Variants in KCNIP4 observed in about 807,000 individuals in gnomAD.
The protein encoded by KCNIP4 is potassium voltage-gated channel interacting protein 4.
KCNIP4 carries 12 observed loss-of-function variants against 34.0 expected under a neutral mutation model. The ratio of observed to expected loss-of-function variants is 0.35; its 90% CI spans 0.23 to 0.57. The LOEUF (loss-of-function observed/expected upper bound fraction) is 0.57, where lower values mean the gene tolerates loss of function less well. Among genes scored for constraint, KCNIP4 ranks in the 20% least tolerant of loss-of-function variants. The pLI, the probability that KCNIP4 is intolerant of heterozygous loss-of-function variation, is 0.83. For synonymous variants in KCNIP4, 124 were observed against 102.2 expected, an observed-to-expected ratio of 1.21 and a Z score of -1.29; for missense variants, 238 against 311.7, an observed-to-expected ratio of 0.76 and a Z score of 1.78.
chr4:21,750,338 C>A (rs958713592), intron 1 of KCNIP4, among the ~76,000 whole-genome samples: 5 of 152,088 alleles, frequency 3.3e-5, no homozygotes, highest in Admixed American at 2.6e-4. Flanking sequence ...GGTAAAAGTT[C>A]TAAACTTAAT....
chr4:21,218,623 A>T (rs1043625668), intron 1 of KCNIP4, among the ~76,000 whole-genome samples: 1 of 152,184 alleles, frequency 6.6e-6, no homozygotes. Context: ...CCATGAGGAA[A>T]TCTATGCACT....
At chr4:20,852,457 G>A (rs549857282) in intron 2 of KCNIP4, among the ~76,000 whole-genome samples, 2 of 152,012 alleles carry the variant, frequency 1.3e-5, no homozygotes, top group Non-Finnish European at 2.9e-5. Context: ...AGCAAAATTG[G>A]CATACAAGGC....
intron 1 of KCNIP4, among the ~76,000 whole-genome samples, chr4:21,552,425 A>G (rs1738657347): frequency 6.6e-6 from 1 of 152,170 alleles, no homozygotes; most frequent in Non-Finnish European, 1.5e-5. Context: ...GGATTGAGAC[A>G]GTTTACCAGT....
At chr4:21,725,526 A>G (rs1375080545) in intron 1 of KCNIP4, among the ~76,000 whole-genome samples, 3 of 152,186 alleles carry the variant, frequency 2.0e-5, no homozygotes, top group African/African-American at 7.2e-5. Context: ...CTCTGGCAGA[A>G]TGATAGACAT....
At chr4:20,808,688 A>C (rs1715374098) in intron 3 of KCNIP4, among the ~76,000 whole-genome samples, 1 of 152,134 alleles carries the variant, frequency 6.6e-6, no homozygotes, top group Non-Finnish European at 1.5e-5. Context: ...CCTTTGTTAA[A>C]GGAGTAGCAG....
chr4:20,790,779 C>CA, intron 3 of KCNIP4, among the ~76,000 whole-genome samples: 1 of 152,006 alleles, frequency 6.6e-6, no homozygotes, highest in Admixed American at 6.6e-5. Flanking sequence ...TGGTCACCTG[C>CA]AGTAAGTTGG....
chr4:21,475,851 T>A (rs1199329804), intron 1 of KCNIP4, among the ~76,000 whole-genome samples: 1 of 152,230 alleles, frequency 6.6e-6, no homozygotes, highest in Non-Finnish European at 1.5e-5. Flanking sequence ...CTAGCTGGTA[T>A]AACCATGTTA....
chr4:20,841,075 C>G (rs1243495200), intron 3 of KCNIP4, among the ~76,000 whole-genome samples: 1 of 152,112 alleles, frequency 6.6e-6, no homozygotes, highest in Non-Finnish European at 1.5e-5. Flanking sequence ...GGGTGTAGTT[C>G]TTTTACTAAA....
chr4:21,490,521 A>G (rs1732298682), intron 1 of KCNIP4, among the ~76,000 whole-genome samples: 1 of 152,192 alleles, frequency 6.6e-6, no homozygotes, highest in East Asian at 1.9e-4. Context: ...AACAACCACC[A>G]ACAAAAACAC....
At chr4:21,638,040 A>T (rs1244872543) in intron 1 of KCNIP4, among the ~76,000 whole-genome samples, 1 of 152,132 alleles carries the variant, frequency 6.6e-6, no homozygotes, top group Non-Finnish European at 1.5e-5. Flanking sequence ...CTCTCATCCA[A>T]TTCCTAAAAG....
intron 1 of KCNIP4, among the ~76,000 whole-genome samples, chr4:21,569,293 T>C (rs1740179536): frequency 1.5e-5 from 2 of 130,294 alleles, no homozygotes. Flanking sequence ...ACCCAGATTT[T>C]GTTGAATATT....
rs376910229 is a variant in KCNIP4 at position 21,153,982 on chromosome 4, TA to T, written c.62-271274del. Among the ~76,000 whole-genome samples the T allele has an allele frequency of 9.1e-4, 134 of 146,762 alleles. 1 individual carries two copies. The highest frequency in any genetic ancestry group is 2.8e-3 in the African/African-American group (111 of 40,272). On this transcript the variant is annotated intron_variant, in intron 1 of 8. Coordinates refer to ENST00000382152, the MANE Select transcript of KCNIP4 (RefSeq NM_025221.6). Reference sequence around the variant, plus strand: ...CCAAATTGAAGGGCCAGTTAGTAGTTAAAAAAAAAATGGAAAAAAAAGGTAA... The same window carrying T: ...CCAAATTGAAGGGCCAGTTAGTAGTTAAAAAAAAATGGAAAAAAAAGGTAA...
At position 21,083,963 on chromosome 4, in the gene KCNIP4, C is replaced by T. The variant is rs1181843389; in HGVS notation, c.62-201254G>A. 2.0e-5 allele frequency among the ~76,000 whole-genome samples: 3 copies of T among 151,988 alleles called. No homozygotes were observed. The East Asian group carries it at 5.8e-4, about 29-fold the overall frequency. ...TTTACCTCTGCACAAATCTATAAAG[C>T]TCCTGAGGGTCCTGCAGTCTTTTTC... On this transcript the variant is annotated intron_variant, in intron 1 of 8. Coordinates refer to ENST00000382152, the MANE Select transcript of KCNIP4 (RefSeq NM_025221.6).
chr4:21,717,179 T>C (rs1273733881), intron 1 of KCNIP4, among the ~76,000 whole-genome samples: 1 of 152,142 alleles, frequency 6.6e-6, no homozygotes, highest in Non-Finnish European at 1.5e-5. Flanking sequence ...TTGGCCTCTA[T>C]CTACTAAATA....
intron 3 of KCNIP4, among the ~76,000 whole-genome samples, chr4:20,775,057 T>C (rs999048475): frequency 1.3e-5 from 2 of 152,186 alleles, no homozygotes; most frequent in East Asian, 3.8e-4. Context: ...TTATTATTTA[T>C]TCAATACGTA....
intron 1 of KCNIP4, among the ~76,000 whole-genome samples, chr4:21,555,048 A>G (rs915815152): frequency 6.6e-6 from 1 of 152,166 alleles, no homozygotes; most frequent in African/African-American, 2.4e-5. Context: ...TCAGGACACA[A>G]TGACCATCTA....
At chr4:20,804,307 T>C (rs961143364) in intron 3 of KCNIP4, among the ~76,000 whole-genome samples, 1 of 152,180 alleles carries the variant, frequency 6.6e-6, no homozygotes, top group Non-Finnish European at 1.5e-5. Flanking sequence ...AGCACTCTCT[T>C]CTCCTTATAA....
intron 1 of KCNIP4, among the ~76,000 whole-genome samples, chr4:21,222,883 G>A (rs1758082340): frequency 6.6e-6 from 1 of 152,196 alleles, no homozygotes; most frequent in Non-Finnish European, 1.5e-5. Context: ...TTGGCATATA[G>A]CATGCACAGA....
chr4:21,570,879 T>A (rs549481708), intron 1 of KCNIP4, among the ~76,000 whole-genome samples: 1 of 152,250 alleles, frequency 6.6e-6, no homozygotes, highest in African/African-American at 2.4e-5. Flanking sequence ...ATTTTCCCTA[T>A]TTTATATGGG....
Sources: gnomAD v4.1 joint callset for allele counts (sites outside exome capture counted in the v4.1 genomes callset) on GRCh38, gnomAD v4.1.1 for gene constraint, MANE v1.5 for transcripts, NCBI Gene and HGNC (gene_info 2026-07-23, HGNC 2026-07-21) for gene names.